KANK1: variants seen among roughly 807,000 people sequenced by gnomAD.
The protein encoded by KANK1 is KN motif and ankyrin repeat domain-containing protein 1.
In KANK1, 109 loss-of-function variants were observed where a neutral mutation model predicts 106.2. That is an observed-to-expected ratio of 1.03 (90% CI 0.88 to 1.20). The LOEUF (loss-of-function observed/expected upper bound fraction) is 1.20. KANK1 is among the 50% of genes most tolerant of loss of function. KANK1 has a pLI of 0.00. For synonymous variants in KANK1, 873 were observed against 652.2 expected, an observed-to-expected ratio of 1.34 and a Z score of -5.16; for missense variants, 2,399 against 1,710.7, an observed-to-expected ratio of 1.40 and a Z score of -7.10.
intron 1 of KANK1, among the ~76,000 whole-genome samples, chr9:595,528 C>G (rs1234565456): frequency 6.6e-6 from 1 of 151,486 alleles, no homozygotes; most frequent in Non-Finnish European, 1.5e-5. Context: ...TTTCTTTTTT[C>G]TTTTTTCTTT....
At position 712,530 on chromosome 9, in the gene KANK1, G is replaced by C; in HGVS notation, c.1764G>C (p.Met588Ile). Residue 588 changes from methionine (M) to isoleucine (I), a missense_variant, in exon 3 of 12, where the codon ATG becomes ATC. Coordinates refer to ENST00000382297, the MANE Select transcript of KANK1 (RefSeq NM_015158.5). Reference protein sequence around the residue: ...HDRCAGRSVEMCDKSVSVEVS... With the variant: ...HDRCAGRSVEICDKSVSVEVS... ...GATGTGCTGGGAGGTCTGTGGAAAT[G>C]TGTGACAAGAGTGTGAGTGTGGAAG... 1 of 1,614,218 alleles carries C rather than the reference G, an allele frequency of 6.2e-7. No individual in the cohort carries two copies.
intron 1 of KANK1, among the ~76,000 whole-genome samples, chr9:663,576 A>C (rs902374196): frequency 6.6e-6 from 1 of 152,200 alleles, no homozygotes; most frequent in South Asian, 2.1e-4. Flanking sequence ...TCTTTAGACT[A>C]TCTATTGCTG....
intron 3 of KANK1, among the ~76,000 whole-genome samples, chr9:728,343 A>G (rs537329718): frequency 6.6e-6 from 1 of 151,902 alleles, no homozygotes; most frequent in East Asian, 1.9e-4. Context: ...GACTACAGGC[A>G]CCCCCCACCA....
chr9:557,312 G>T (rs2061657270), intron 1 of KANK1, among the ~76,000 whole-genome samples: 1 of 152,052 alleles, frequency 6.6e-6, no homozygotes, highest in Non-Finnish European at 1.5e-5. Context: ...AGAAAAAGAG[G>T]GAATATATTA....
At chr9:619,525 T>C (rs1216396335) in intron 1 of KANK1, among the ~76,000 whole-genome samples, 1 of 152,160 alleles carries the variant, frequency 6.6e-6, no homozygotes, top group Non-Finnish European at 1.5e-5. Flanking sequence ...TCAGAATAGC[T>C]GAATTCATCA....
At chr9:548,761 G>A (rs529144236) in intron 1 of KANK1, among the ~76,000 whole-genome samples, 1 of 152,014 alleles carries the variant, frequency 6.6e-6, no homozygotes, top group African/African-American at 2.4e-5. Context: ...GTTTTATAAT[G>A]ACCACGTTAT....
intron 1 of KANK1, among the ~76,000 whole-genome samples, chr9:505,392 A>C (rs918062726): frequency 6.6e-6 from 1 of 152,180 alleles, no homozygotes; most frequent in African/African-American, 2.4e-5. Flanking sequence ...GGGGCGGCCC[A>C]ACCCGGCGCG....
chr9:672,863 A>C (rs1311611825), intron 1 of KANK1, among the ~76,000 whole-genome samples: 1 of 152,200 alleles, frequency 6.6e-6, no homozygotes, highest in Non-Finnish European at 1.5e-5. Context: ...TTCTCTGTTG[A>C]TGTATTTTCC....
At chr9:684,112 C>T (rs1453321686) in intron 2 of KANK1, 4 of 960,168 alleles carry the variant, frequency 4.2e-6, no homozygotes, top group Middle Eastern at 5.3e-4. Context: ...TCAGAGCTTG[C>T]TTGTTTCATA....
Position 641,967 on chromosome 9 carries a change from C to A in KANK1, c.-83-34923C>A, listed in dbSNP as rs148243328. On this transcript the variant is annotated intron_variant, in intron 1 of 11. Transcript: ENST00000382297. ...AAAAAAGAAAACCCATACCCATTGG[C>A]AATCAAAAGCCGATTTCCTCCCCAA... 1.9e-4 allele frequency among the ~76,000 whole-genome samples: 29 copies of A among 152,218 alleles called. 1 individual carries two copies. In the East Asian group the frequency reaches 3.1e-3, roughly 16 times the overall value.
chr9:490,071 C>G (rs10758655), intron 3 of KANK1, among the ~76,000 whole-genome samples: 1 of 152,026 alleles, frequency 6.6e-6, no homozygotes, highest in Non-Finnish European at 1.5e-5. Context: ...GGGTCACTCT[C>G]TGGGGAAATA....
chr9:645,126 C>CAAAAAAA (rs56391632), intron 1 of KANK1, among the ~76,000 whole-genome samples: 48 of 70,974 alleles, frequency 6.8e-4, no homozygotes, highest in Admixed American at 1.2e-3. Context: ...TCCATCTCTA[C>CAAAAAAA]AAAAAAAAAA....
chr9:589,478 C>G (rs1268341315), intron 1 of KANK1, among the ~76,000 whole-genome samples: 5 of 152,046 alleles, frequency 3.3e-5, no homozygotes, highest in Admixed American at 3.3e-4. Context: ...GGTAAGGAAA[C>G]TTAGATATAC....
chr9:684,278 G>A, intron 2 of KANK1: 1 of 985,382 alleles, frequency 1.0e-6, no homozygotes, highest in Non-Finnish European at 1.2e-6. Flanking sequence ...CTTCCAGTGA[G>A]TACCAGCCTA....
At chr9:607,619 C>G (rs1362197487) in intron 1 of KANK1, among the ~76,000 whole-genome samples, 2 of 151,598 alleles carry the variant, frequency 1.3e-5, no homozygotes, top group African/African-American at 4.9e-5. Flanking sequence ...GCTGCACATA[C>G]CTGCACATGT....
intron 1 of KANK1, among the ~76,000 whole-genome samples, chr9:606,497 A>C (rs1829204133): frequency 1.3e-5 from 2 of 148,180 alleles, no homozygotes; most frequent in Non-Finnish European, 2.9e-5. Context: ...TGGAGGTTGC[A>C]GTGAGCTGAG....
upstream of KANK1, among the ~76,000 whole-genome samples, chr9:502,353 TAACTA>T (rs2058570826): frequency 2.0e-5 from 3 of 152,132 alleles, no homozygotes; most frequent in South Asian, 6.2e-4. Context: ...GTCAATAAAA[TAACTA>T]AATTAAAAAT....
At chr9:727,408 C>T (rs950283162) in intron 3 of KANK1, among the ~76,000 whole-genome samples, 1 of 151,656 alleles carries the variant, frequency 6.6e-6, no homozygotes, top group Non-Finnish European at 1.5e-5. Context: ...CTCTGCCTCC[C>T]GGGTTCAAGT....
chr9:554,639 G>A (rs975670363), intron 1 of KANK1, among the ~76,000 whole-genome samples: 2 of 152,016 alleles, frequency 1.3e-5, no homozygotes, highest in African/African-American at 2.4e-5. Flanking sequence ...CAGAAAAATC[G>A]GATTCATCAA....
Sources: allele counts gnomAD v4.1 joint callset (sites outside exome capture counted in the v4.1 genomes callset), GRCh38; gene constraint gnomAD v4.1.1; transcripts MANE v1.5; gene names NCBI Gene and HGNC (gene_info 2026-07-23, HGNC 2026-07-21).